CDH13: variants seen among roughly 807,000 people sequenced by gnomAD.
CDH13 encodes the protein cadherin 13.
In CDH13, 24 loss-of-function variants were observed where a neutral mutation model predicts 63.8. The observed-to-expected ratio is 0.38, with a 90% CI of 0.27 to 0.53. The LOEUF (loss-of-function observed/expected upper bound fraction) is 0.53. CDH13 is among the 20% of genes least tolerant of loss of function. The probability of loss-of-function intolerance (pLI) is 0.85; values close to 1 mark genes in which losing one functional copy is unlikely to be tolerated. For synonymous variants in CDH13, 503 were observed against 355.3 expected (o/e 1.42, Z -4.67); for missense variants, 1,049 against 903.1 (o/e 1.16, Z -2.07).
In CDH13 at chr16:83,433,411, T is replaced by C. The variant is rs115693700; in HGVS notation, c.782-53066T>C. On this transcript the variant is annotated intron_variant, in intron 6 of 13. Coordinates refer to ENST00000567109, the MANE Select transcript of CDH13 (RefSeq NM_001257.5). Reference sequence around the variant, plus strand: ...GCTTTGTGACTTCTAATTCAGCATTTATGTGAATGTGGGCTATCATTCATT... The same window carrying C: ...GCTTTGTGACTTCTAATTCAGCATTCATGTGAATGTGGGCTATCATTCATT... Among the ~76,000 whole-genome samples, 1,136 of 152,296 alleles carry C rather than the reference T, an allele frequency of 7.5e-3. 17 individuals carry two copies. Among genetic ancestry groups the C allele is most frequent in the African/African-American group, 0.024 (1,016 of 41,560 alleles).
intron 7 of CDH13, among the ~76,000 whole-genome samples, chr16:83,501,729 G>T (rs932161080): frequency 1.3e-5 from 2 of 152,132 alleles, no homozygotes; most frequent in African/African-American, 4.8e-5. Context: ...CCTCATAGCC[G>T]CTGCTCTATC....
intron 5 of CDH13, among the ~76,000 whole-genome samples, chr16:83,254,272 A>G (rs1471308554): frequency 6.6e-6 from 1 of 152,228 alleles, no homozygotes; most frequent in East Asian, 1.9e-4. Context: ...GAAAGCGTAT[A>G]GCTCACTGCT....
rs1179334372 is a variant in CDH13, at chr16:83,385,792, CT to C, written c.781+40787del. ...CACCAAATGGAATCTTTGGTGAATT[CT>C]AAAGATTCCCGGCATGTCCCACTAT... On this transcript the variant is annotated intron_variant, in intron 6 of 13. Coordinates refer to ENST00000567109, the MANE Select transcript of CDH13 (RefSeq NM_001257.5). Among the ~76,000 whole-genome samples, 4 of 152,272 alleles carry C rather than the reference CT, an allele frequency of 2.6e-5. No homozygotes were observed. In the East Asian group the frequency reaches 7.7e-4, roughly 29 times the overall value.
At chr16:82,648,727 C>T (rs1910388630) in intron 1 of CDH13, among the ~76,000 whole-genome samples, 1 of 151,978 alleles carries the variant, frequency 6.6e-6, no homozygotes, top group South Asian at 2.1e-4. Flanking sequence ...TGCGTTACAT[C>T]TATAATGAAA....
At chr16:82,856,791 A>AAGG (rs1216927529) in intron 1 of CDH13, among the ~76,000 whole-genome samples, 1 of 151,948 alleles carries the variant, frequency 6.6e-6, no homozygotes, top group Admixed American at 6.6e-5. Context: ...CAGGGAAGAG[A>AAGG]AGGCAGGTAA....
intron 1 of CDH13, among the ~76,000 whole-genome samples, chr16:82,700,624 A>G (rs1304365712): frequency 6.6e-6 from 1 of 152,002 alleles, no homozygotes; most frequent in African/African-American, 2.4e-5. Flanking sequence ...AATCATTTCT[A>G]AGAATCTCAG....
chr16:83,146,952 G>A (rs1220591482), intron 4 of CDH13, among the ~76,000 whole-genome samples: 2 of 152,074 alleles, frequency 1.3e-5, no homozygotes, highest in Non-Finnish European at 2.9e-5. Flanking sequence ...GCCTGGTGTG[G>A]TGGCACACAC....
chr16:82,735,812 C>G (rs1319462424), intron 1 of CDH13, among the ~76,000 whole-genome samples: 1 of 152,204 alleles, frequency 6.6e-6, no homozygotes, highest in African/African-American at 2.4e-5. Flanking sequence ...GCTGGGTAGA[C>G]TCTTTAGCAA....
intron 3 of CDH13, among the ~76,000 whole-genome samples, chr16:83,046,463 A>G (rs1232441089): frequency 1.3e-5 from 2 of 152,240 alleles, no homozygotes; most frequent in Non-Finnish European, 2.9e-5. Flanking sequence ...AGAAAAGAAA[A>G]GAAAACTTTT....
chr16:83,764,698 GCCTCCT>G (rs1914245767), intron 11 of CDH13, among the ~76,000 whole-genome samples: 1 of 143,238 alleles, frequency 7.0e-6, no homozygotes, highest in Admixed American at 7.2e-5. Flanking sequence ...CGGCTGCTCA[GCCTCCT>G]GAAGTCAGCC....
chr16:83,472,782 C>G (rs1056583552), intron 6 of CDH13, among the ~76,000 whole-genome samples: 2 of 152,048 alleles, frequency 1.3e-5, no homozygotes, highest in Non-Finnish European at 2.9e-5. Context: ...GATCGAATCT[C>G]CTTTTGCTCC....
In CDH13 at chr16:82,920,161, T is replaced by C. The variant is rs1037562052; in HGVS notation, c.157+61688T>C. The stretch of plus-strand genomic sequence containing the variant: ...CTTCAGGCCTGGCTGGGTGTATAAA[T>C]TCAGATGGCACCCTCCACCAGGACT... On this transcript the variant is annotated intron_variant, in intron 2 of 13. Transcript: ENST00000567109. 5.3e-4 allele frequency among the ~76,000 whole-genome samples: 81 copies of C among 152,276 alleles called. 1 individual carries two copies. Among genetic ancestry groups the C allele is most frequent in the African/African-American group, 1.8e-3 (74 of 41,558 alleles).
intron 1 of CDH13, among the ~76,000 whole-genome samples, chr16:82,857,984 A>G (rs2039773618): frequency 6.6e-6 from 1 of 152,186 alleles, no homozygotes; most frequent in Non-Finnish European, 1.5e-5. Context: ...CCTCCTCTTC[A>G]TAGATGACAA....
At chr16:82,896,042 A>C (rs558073114) in intron 2 of CDH13, among the ~76,000 whole-genome samples, 5 of 152,268 alleles carry the variant, frequency 3.3e-5, no homozygotes, top group African/African-American at 1.2e-4. Context: ...AGAGCTCTTC[A>C]CTGCCTACTT....
chr16:83,717,725 A>G (rs576701698), intron 10 of CDH13: 1 of 152,402 alleles, frequency 6.6e-6, no homozygotes, highest in South Asian at 2.1e-4. Context: ...TAGTTTGGAG[A>G]AAAAGTAGGC....
chr16:83,690,072 C>G (rs1257392668), intron 10 of CDH13, among the ~76,000 whole-genome samples: 1 of 152,054 alleles, frequency 6.6e-6, no homozygotes, highest in African/African-American at 2.4e-5. Context: ...ACTTGGGAGG[C>G]TGAGGCAGAA....
At chr16:82,944,853 T>C (rs1004944623) in intron 2 of CDH13, among the ~76,000 whole-genome samples, 8 of 152,132 alleles carry the variant, frequency 5.3e-5, no homozygotes, top group African/African-American at 1.9e-4. Flanking sequence ...CATTCCCTAC[T>C]TCATTTCACA....
At chr16:83,169,132 A>G (rs1260989320) in intron 4 of CDH13, among the ~76,000 whole-genome samples, 1 of 152,108 alleles carries the variant, frequency 6.6e-6, no homozygotes, top group Non-Finnish European at 1.5e-5. Context: ...CATCTATGGC[A>G]TATGACAGTC....
intron 2 of CDH13, among the ~76,000 whole-genome samples, chr16:82,901,947 G>A (rs368100565): frequency 7.9e-5 from 12 of 152,184 alleles, no homozygotes; most frequent in South Asian, 2.1e-4. Flanking sequence ...AAATCTGAGC[G>A]GTGTTAGCAA....
Sources: gnomAD v4.1 joint callset for allele counts (sites outside exome capture counted in the v4.1 genomes callset) on GRCh38, gnomAD v4.1.1 for gene constraint, MANE v1.5 for transcripts, NCBI Gene and HGNC (gene_info 2026-07-23, HGNC 2026-07-21) for gene names.